Variants in PPP2R2C observed in about 807,000 individuals in gnomAD.
The protein encoded by PPP2R2C is protein phosphatase 2, regulatory subunit B, gamma.
PPP2R2C carries 10 observed loss-of-function variants against 45.3 expected under a neutral mutation model. The ratio of observed to expected loss-of-function variants is 0.22; its 90% CI spans 0.14 to 0.37. PPP2R2C has a LOEUF of 0.37. Ranked by LOEUF, PPP2R2C falls within the 10% of genes least tolerant of loss-of-function variation. The probability of loss-of-function intolerance (pLI) is 1.00; values close to 1 mark genes in which losing one functional copy is unlikely to be tolerated. For synonymous variants in PPP2R2C, 257 were observed against 245.4 expected, an observed-to-expected ratio of 1.05 and a Z score of -0.44; for missense variants, 308 against 619.7, an observed-to-expected ratio of 0.50 and a Z score of 5.34.
At chr4:6,543,928 T>G (rs1047295470) in intron 1 of PPP2R2C, among the ~76,000 whole-genome samples, 1 of 152,228 alleles carries the variant, frequency 6.6e-6, no homozygotes, top group Non-Finnish European at 1.5e-5. Context: ...CATCTCTGAC[T>G]TTCGGCCCCC....
intron 1 of PPP2R2C, among the ~76,000 whole-genome samples, chr4:6,539,454 A>G (rs1165515152): frequency 2.6e-5 from 4 of 152,322 alleles, no homozygotes; most frequent in Non-Finnish European, 4.4e-5. Context: ...GCACTCACAC[A>G]TGTATTGTGT....
upstream of PPP2R2C, among the ~76,000 whole-genome samples, chr4:6,473,191 A>G (rs1173670056): frequency 6.6e-6 from 1 of 151,968 alleles, no homozygotes; most frequent in Non-Finnish European, 1.5e-5. Context: ...GGGCTCTGAG[A>G]TCTCTCCTCA....
At chr4:6,535,029 G>T (rs1015542718) in intron 2 of PPP2R2C, among the ~76,000 whole-genome samples, 1 of 152,224 alleles carries the variant, frequency 6.6e-6, no homozygotes, top group Non-Finnish European at 1.5e-5. Flanking sequence ...CATGAAGGGG[G>T]CCTCACCCAT....
At position 6,329,304 on chromosome 4, in the gene PPP2R2C, C is replaced by T. The variant is rs1732208510; in HGVS notation, c.1010G>A (p.Cys337Tyr). ...SKLCSLYEND[C>Y]IFDKFECAWN... ...GGCACATTCAAACTTGTCGAAAATG[C>T]AGTCGTTCTCGTACAGGGAACAGAG... The change falls in exon 8 of 9, where the codon TGC becomes TAC. Residue 337 changes from cysteine (C) to tyrosine (Y), a missense_variant. Physicochemically the swap from Cys to Tyr is radical, Grantham distance 194 (BLOSUM62 -2). Transcript: ENST00000382599. This position sits in a 1 kb window ranked among gnomAD's most constrained non-coding sequence, Gnocchi z 5.8. 6.2e-7 allele frequency: 1 copy of T among 1,614,106 alleles called. No individual in the cohort carries two copies. The highest frequency in any genetic ancestry group is 8.5e-7 in the Non-Finnish European group (1 of 1,180,036).
At chr4:6,511,009 A>AAAAAAAAAAT (rs1723429196) in intron 2 of PPP2R2C, among the ~76,000 whole-genome samples, 1 of 149,094 alleles carries the variant, frequency 6.7e-6, no homozygotes, top group African/African-American at 2.5e-5. Context: ...AAAAAAAAAA[A>AAAAAAAAAAT]CAGAAAATGT....
At chr4:6,521,536 C>A (rs1724027104) in intron 2 of PPP2R2C, among the ~76,000 whole-genome samples, 1 of 152,212 alleles carries the variant, frequency 6.6e-6, no homozygotes, top group African/African-American at 2.4e-5. Context: ...GAGGAGCCCA[C>A]CCATTCAGTG....
At chr4:6,468,542 T>C (rs1226529043) in intron 1 of PPP2R2C, among the ~76,000 whole-genome samples, 1 of 152,134 alleles carries the variant, frequency 6.6e-6, no homozygotes, top group Non-Finnish European at 1.5e-5. Context: ...CTGAAAAGTG[T>C]GCTCCGGAAG....
upstream of PPP2R2C, among the ~76,000 whole-genome samples, chr4:6,475,688 C>T (rs915991417): frequency 6.6e-6 from 1 of 152,220 alleles, no homozygotes; most frequent in Non-Finnish European, 1.5e-5. Flanking sequence ...TGCCACTTCT[C>T]AGCAGGTTTA....
At chr4:6,372,107 G>A (rs1386263478) in intron 5 of PPP2R2C, among the ~76,000 whole-genome samples, 1 of 152,238 alleles carries the variant, frequency 6.6e-6, no homozygotes, top group East Asian at 1.9e-4. Context: ...CGGGGCCCCA[G>A]TGCTGGTCCT....
chr4:6,511,194 C>A lies in PPP2R2C; in HGVS notation c.49+24077G>T, dbSNP rs1028734405. ...AGAAAAACACGCAAAATGCTTAGAA[C>A]GATGCCTGGCATGGCGTGAGTGCTC... is the stretch of plus-strand genomic sequence containing the variant. On this transcript the variant is annotated intron_variant, in intron 2 of 9. Transcript: ENST00000506140. 6.6e-5 allele frequency among the ~76,000 whole-genome samples: 10 copies of A among 152,088 alleles called. 1 individual carries two copies. Among genetic ancestry groups the A allele is most frequent in the Non-Finnish European group, 1.5e-5 (1 of 68,030 alleles).
chr4:6,372,036 G>A (rs1714872288), intron 5 of PPP2R2C, among the ~76,000 whole-genome samples: 1 of 152,230 alleles, frequency 6.6e-6, no homozygotes. Flanking sequence ...CGAGCAGGGG[G>A]CCCTCAGGAC....
intron 1 of PPP2R2C, among the ~76,000 whole-genome samples, chr4:6,456,826 G>A (rs945101907): frequency 6.6e-6 from 1 of 152,174 alleles, no homozygotes; most frequent in Non-Finnish European, 1.5e-5. Context: ...ACTGTGGCCT[G>A]GCCACGTGGA....
chr4:6,379,898 A>G (rs1715642925), intron 2 of PPP2R2C: 1 of 152,170 alleles, frequency 6.6e-6, no homozygotes, highest in South Asian at 2.1e-4. Flanking sequence ...CATGCTCAGG[A>G]GTGAATCGGG....
At chr4:6,508,204 G>T (rs532577428) in intron 2 of PPP2R2C, among the ~76,000 whole-genome samples, 164 of 152,340 alleles carry the variant, frequency 1.1e-3, no homozygotes, top group African/African-American at 3.7e-3. Context: ...TGACCATCAG[G>T]TGATGGTCAG....
intron 1 of PPP2R2C, among the ~76,000 whole-genome samples, chr4:6,428,343 C>T (rs997926003): frequency 1.3e-5 from 2 of 152,234 alleles, no homozygotes; most frequent in Admixed American, 6.5e-5. Flanking sequence ...GACCTGCTCA[C>T]CGCAAGAAGC....
At chr4:6,507,756 TA>T (rs1447280207) in intron 2 of PPP2R2C, among the ~76,000 whole-genome samples, 1 of 152,258 alleles carries the variant, frequency 6.6e-6, no homozygotes, top group Non-Finnish European at 1.5e-5. Flanking sequence ...AGCTAACTAA[TA>T]CACTACATAA....
chr4:6,381,500 A>G lies in PPP2R2C; in HGVS notation c.71-406T>C. The G allele has an allele frequency of 2.9e-6, 4 of 1,378,614 alleles. No homozygotes were observed. The Middle Eastern group carries it at 5.7e-4, about 198-fold the overall frequency. The allele number at this position is 1,378,614 out of a possible 1,614,324, so 85.4% of individuals were successfully genotyped here. On this transcript the variant is annotated intron_variant, in intron 1 of 8. Transcript: ENST00000382599. ...CATGCTCCAGCAACCTGGGTCAGGG[A>G]AGCCCTTCCCAATATCTCCATAGAT...
intron 1 of PPP2R2C, among the ~76,000 whole-genome samples, chr4:6,418,673 C>G (rs1027149239): frequency 1.3e-5 from 2 of 152,248 alleles, no homozygotes; most frequent in African/African-American, 4.8e-5. Flanking sequence ...AGAGATGACT[C>G]AGCCAGAGTC....
intron 1 of PPP2R2C, among the ~76,000 whole-genome samples, chr4:6,427,453 C>T (rs1719391586): frequency 6.6e-6 from 1 of 152,174 alleles, no homozygotes; most frequent in Non-Finnish European, 1.5e-5. Context: ...CTACTCTCAG[C>T]TCCCATTTCA....
Sources: gnomAD v4.1 joint callset for allele counts (sites outside exome capture counted in the v4.1 genomes callset) on GRCh38, gnomAD v4.1.1 for gene constraint, Gnocchi (gnomAD v3.1) non-coding constraint, MANE v1.5 for transcripts, NCBI Gene and HGNC (gene_info 2026-07-23, HGNC 2026-07-21) for gene names.